DENND6A: variants seen among roughly 807,000 people sequenced by gnomAD.
The protein encoded by DENND6A is protein DENND6A.
In DENND6A, 43 loss-of-function variants were observed where a neutral mutation model predicts 95.5. That is an observed-to-expected ratio of 0.45 (90% confidence interval 0.35 to 0.58). The LOEUF is 0.58. Among genes scored for constraint, DENND6A ranks in the 20% least tolerant of loss-of-function variants. The pLI is 0.00. For missense variants in DENND6A, 574 were observed against 736.0 expected, an observed-to-expected ratio of 0.78 and a Z score of 2.55; for synonymous variants, 257 against 260.4, an observed-to-expected ratio of 0.99 and a Z score of 0.13.
chr3:57,659,356 G>A (rs2071383287), intron 7 of DENND6A, among the ~76,000 whole-genome samples, 176 bp from the exon 8 acceptor site: 1 of 152,164 alleles, frequency 6.6e-6, no homozygotes, highest in Admixed American at 6.6e-5. Context: ...CAGAAAGTAA[G>A]TAAATCAAGG....
At chr3:57,629,250 A>G (rs2070605078) in intron 18 of DENND6A, among the ~76,000 whole-genome samples, 1 of 152,182 alleles carries the variant, frequency 6.6e-6, no homozygotes, top group Non-Finnish European at 1.5e-5. Context: ...AGAACTGAAC[A>G]TGAATTTACT....
At chr3:57,664,713 A>G (rs1575849488) in intron 4 of DENND6A, among the ~76,000 whole-genome samples, 1 of 152,236 alleles carries the variant, frequency 6.6e-6, no homozygotes, top group South Asian at 2.1e-4. Flanking sequence ...CGTGCCTGTA[A>G]TCCCAACTAC....
intron 1 of DENND6A, chr3:57,679,566 C>T (rs1188317179): frequency 1.0e-6 from 1 of 985,396 alleles, no homozygotes; most frequent in Non-Finnish European, 1.2e-6. Flanking sequence ...ATGGAAAGTA[C>T]AGTACTGGTA....
rs1176017843 is a variant in DENND6A, at chr3:57,663,401, T to G, written c.513+235A>C. On this transcript the variant is annotated intron_variant, in intron 5 of 19. Coordinates refer to ENST00000311128, the MANE Select transcript of DENND6A (RefSeq NM_152678.3). ...ATTGCTTGAACCCAGGAGGCAGAGGTTGCAGTCAGCCGAGATCGTGCCTCT... is the reference window on the plus strand; with the variant it reads ...ATTGCTTGAACCCAGGAGGCAGAGGGTGCAGTCAGCCGAGATCGTGCCTCT... Among the ~76,000 whole-genome samples the G allele has an allele frequency of 7.2e-5, 10 of 138,632 alleles. No homozygotes were observed. In the Admixed American group the frequency reaches 8.2e-4, roughly 11 times the overall value. The allele number at this position is 138,632 out of a possible 152,430, so 90.9% of individuals were successfully genotyped here. A position where few individuals can be genotyped will look rare whatever the true frequency, so the allele number is the denominator to read the frequency against.
chr3:57,675,369 A>G (rs2071692038), intron 1 of DENND6A, among the ~76,000 whole-genome samples: 1 of 152,238 alleles, frequency 6.6e-6, no homozygotes, highest in South Asian at 2.1e-4. Flanking sequence ...ATCTAAAGAG[A>G]AAATAATCTT....
Position 57,660,196 on chromosome 3 carries a change from CTT to C in DENND6A, c.699+562_699+563del, listed in dbSNP as rs11285527. ...CCATGTGTGAGCTTCCTACAAAGTT[CTT>C]TTTTTTTTTTTTTGAGACAGGGTCT... is the stretch of plus-strand genomic sequence containing the variant. On this transcript the variant is annotated intron_variant, in intron 7 of 19. Coordinates refer to ENST00000311128, the MANE Select transcript of DENND6A (RefSeq NM_152678.3). 5.7e-3 allele frequency among the ~76,000 whole-genome samples: 798 copies of C among 138,876 alleles called. 2 individuals are homozygous for C. Among genetic ancestry groups the C allele is most frequent in the East Asian group, 0.022 (104 of 4,790 alleles). 91.1% of individuals were successfully genotyped at this position (138,876 alleles called of 152,430 possible). A position where few individuals can be genotyped will look rare whatever the true frequency, so the allele number is the denominator to read the frequency against.
At position 57,630,532 on chromosome 3, in the gene DENND6A, A is replaced by T. The variant is rs749588559; in HGVS notation, c.1518-9T>A. 1 of 1,584,456 alleles carries T rather than the reference A, an allele frequency of 6.3e-7. No individual in the cohort carries two copies. The highest frequency in any genetic ancestry group is 2.0e-5 in the Admixed American group (1 of 49,556). On this transcript the variant is annotated splice_polypyrimidine_tract_variant and intron_variant, in intron 17 of 19. Transcript: ENST00000311128. ...GAGACTTTAGGAAATGCCTATAAAA[A>T]TACATTTTAAAAAAGTAAAGTTTGA...
Position 57,692,912 on chromosome 3 carries a change from C to A in DENND6A, c.107G>T (p.Gly36Val). ...GREAPALVAA[G>V]GAPEDDEEDD... ...CTCTTCATCGTCCTCTGGCGCGCCT[C>A]CCGCCGCCACAAGGGCCGGCGCCTC... Residue 36 changes from glycine to valine, a missense_variant, in exon 1 of 20, where the codon GGA becomes GTA. Physicochemically the swap from Gly to Val is moderately radical, Grantham distance 109. Around this residue, in one of 2 missense-constraint regions of DENND6A, gnomAD observed 122 missense variants for 105.1 expected, o/e 1.16. Coordinates refer to ENST00000311128, the MANE Select transcript of DENND6A (RefSeq NM_152678.3). The A allele has an allele frequency of 1.3e-6, 2 of 1,565,580 alleles. No homozygotes were observed. Among genetic ancestry groups the A allele is most frequent in the Non-Finnish European group, 1.7e-6 (2 of 1,162,242 alleles).
chr3:57,646,413 T>A lies in DENND6A; in HGVS notation c.844A>T (p.Ser282Cys), dbSNP rs756441421. ...AGCACCAGCTCCCAGAGCATCTGAC[T>A]ATGAAGGAAAACTGGGCAGAAACAC... ...FRCFCPVFLH[S>C]QMLWELVLLG... Residue 282 changes from serine to cysteine, a missense_variant, in exon 10 of 20, where the codon AGT (serine) becomes TGT (cysteine). By Grantham distance (112) the Ser-to-Cys change is moderately radical. This residue lies in a region of DENND6A where 452 missense variants were observed against 630.9 expected (regional missense o/e 0.72). Transcript: ENST00000311128. 1 of 1,613,728 alleles carries A rather than the reference T, an allele frequency of 6.2e-7. No individual in the cohort carries two copies. Among genetic ancestry groups the A allele is most frequent in the Admixed American group, 1.7e-5 (1 of 59,930 alleles).
intron 1 of DENND6A, among the ~76,000 whole-genome samples, chr3:57,679,948 G>A (rs551785295): frequency 6.6e-6 from 1 of 152,198 alleles, no homozygotes; most frequent in Non-Finnish European, 1.5e-5. Context: ...TGCTGAGCAG[G>A]ATTATGGACA....
At chr3:57,679,652 T>C (rs2077143429) in intron 1 of DENND6A, 1 of 740,640 alleles carries the variant, frequency 1.4e-6, no homozygotes, top group Non-Finnish European at 1.6e-6. Flanking sequence ...CAGTTTCTGC[T>C]TCCATAACAT....
At chr3:57,633,891 C>CAA (rs946809838) in intron 14 of DENND6A, among the ~76,000 whole-genome samples, 4 of 130,908 alleles carry the variant, frequency 3.1e-5, no homozygotes, top group African/African-American at 8.5e-5. Flanking sequence ...AACTCCATCT[C>CAA]AAAAAAAAAA....
chr3:57,681,420 C>A (rs978795644), intron 1 of DENND6A, among the ~76,000 whole-genome samples: 13 of 151,370 alleles, frequency 8.6e-5, no homozygotes, highest in African/African-American at 2.4e-4. Context: ...GCCGAGATCA[C>A]GCCACTGCAC....
chr3:57,660,196 CT>C (rs11285527), intron 7 of DENND6A, among the ~76,000 whole-genome samples: 135,602 of 139,204 alleles, frequency 0.97, 66,027 homozygotes, highest in Non-Finnish European at 0.98. Flanking sequence ...CTACAAAGTT[CT>C]TTTTTTTTTT....
intron 1 of DENND6A, among the ~76,000 whole-genome samples, chr3:57,677,020 CA>C (rs915921858): frequency 6.6e-6 from 1 of 152,106 alleles, no homozygotes; most frequent in African/African-American, 2.4e-5. Context: ...GACAGGGTTT[CA>C]CCATGTTGGC....
At chr3:57,633,392 T>C in intron 14 of DENND6A, 38 bp from the exon 15 acceptor site, 1 of 1,515,294 alleles carries the variant, frequency 6.6e-7, no homozygotes, top group Non-Finnish European at 9.1e-7. Context: ...TATTCTAGTG[T>C]TGGAATATAA....
At chr3:57,643,337 G>T (rs936612662) in intron 11 of DENND6A, among the ~76,000 whole-genome samples, 1 of 152,074 alleles carries the variant, frequency 6.6e-6, no homozygotes, top group East Asian at 1.9e-4. Flanking sequence ...AAATAATTCA[G>T]TTTGCACATG....
chr3:57,656,840 C>T (rs1322234694), intron 9 of DENND6A, among the ~76,000 whole-genome samples: 1 of 152,140 alleles, frequency 6.6e-6, no homozygotes, highest in Non-Finnish European at 1.5e-5. Flanking sequence ...CACCTGTAGT[C>T]CCAGCTACTT....
chr3:57,673,373 C>A (rs1198174655), intron 1 of DENND6A, among the ~76,000 whole-genome samples: 1 of 151,590 alleles, frequency 6.6e-6, no homozygotes, highest in Non-Finnish European at 1.5e-5. Context: ...AAGAGGAACT[C>A]ACAGAGATAG....
Sources: allele counts gnomAD v4.1 joint callset (sites outside exome capture counted in the v4.1 genomes callset), GRCh38; gene constraint gnomAD v4.1.1; regional missense constraint gnomAD v4.1.1; transcripts MANE v1.5; gene names NCBI Gene and HGNC (gene_info 2026-07-23, HGNC 2026-07-21).